UBE2L6: variants seen among roughly 807,000 people sequenced by gnomAD.
The protein encoded by UBE2L6 is ubiquitin/ISG15-conjugating enzyme E2 L6.
UBE2L6 carries 11 observed loss-of-function variants against 13.6 expected under a neutral mutation model. That is an observed-to-expected ratio of 0.81 (90% CI 0.51 to 1.34). The LOEUF (loss-of-function observed/expected upper bound fraction) is 1.34, where lower values mean the gene tolerates loss of function less well. Among genes scored for constraint, UBE2L6 ranks in the 40% most tolerant of loss-of-function variants. UBE2L6 has a pLI of 0.00. For missense variants in UBE2L6, 197 were observed against 199.5 expected (o/e 0.99, Z 0.07); for synonymous variants, 74 against 83.2 (o/e 0.89, Z 0.60).
chr11:57,567,191 C>A, intron 1 of UBE2L6: 1 of 463,142 alleles, frequency 2.2e-6, no homozygotes. Flanking sequence ...AGGACTTCAT[C>A]CTGGTCATCT....
In UBE2L6 at chr11:57,560,217, A is replaced by T. The variant is rs575747383; in HGVS notation, c.123+120T>A. The T allele has an allele frequency of 6.5e-6, 5 of 772,916 alleles. No individual in the cohort carries two copies. The East Asian group carries it at 1.0e-4, about 15-fold the overall frequency. 47.9% of individuals were successfully genotyped at this position (772,916 alleles called of 1,614,324 possible). On this transcript the variant is annotated intron_variant, in intron 2 of 3. Coordinates refer to ENST00000287156, the MANE Select transcript of UBE2L6 (RefSeq NM_004223.5). ...CAGAGAGAAGCCCCCTCCAGCAATG[A>T]TAACCTCCAGTAAAAGGATCTCAAG...
intron 2 of UBE2L6, among the ~76,000 whole-genome samples, chr11:57,556,161 G>C (rs1283818729): frequency 6.6e-6 from 1 of 152,136 alleles, no homozygotes; most frequent in Admixed American, 6.5e-5. Context: ...CCCTGCCTGG[G>C]TGTGATTCAA....
At chr11:57,562,646 T>G (rs1007907568) in intron 1 of UBE2L6, among the ~76,000 whole-genome samples, 2 of 152,236 alleles carry the variant, frequency 1.3e-5, no homozygotes, top group Non-Finnish European at 2.9e-5. Context: ...AGACTCCATT[T>G]GTTTGGGAGA....
At chr11:57,567,284 G>C (rs1945100156) in intron 1 of UBE2L6, 1 of 527,180 alleles carries the variant, frequency 1.9e-6, no homozygotes, top group South Asian at 2.0e-5. Context: ...GATGCACCCA[G>C]TTGTTATCAC....
At chr11:57,565,365 T>TG (rs530166146) in intron 1 of UBE2L6, among the ~76,000 whole-genome samples, 13,877 of 102,500 alleles carry the variant, frequency 0.14, 1,014 homozygotes, top group African/African-American at 0.18. Flanking sequence ...TGTTTTTTTT[T>TG]TTTTTTTTTT....
At chr11:57,558,213 G>T (rs1161278049) in intron 2 of UBE2L6, among the ~76,000 whole-genome samples, 1 of 151,904 alleles carries the variant, frequency 6.6e-6, no homozygotes, top group South Asian at 2.1e-4. Flanking sequence ...TGAGTAGCTG[G>T]GATTATAGGT....
At chr11:57,566,947 G>T (rs201084960) in intron 1 of UBE2L6, 7 of 101,662 alleles carry the variant, frequency 6.9e-5, no homozygotes, top group Non-Finnish European at 7.8e-5. Context: ...ATCTCTGCCC[G>T]CCCCCCCCCC....
chr11:57,553,715 A>T (rs892358449), intron 3 of UBE2L6, among the ~76,000 whole-genome samples: 1 of 152,034 alleles, frequency 6.6e-6, no homozygotes, highest in African/African-American at 2.4e-5. Context: ...AATTCCAGCT[A>T]TTCAAGAAGC....
chr11:57,562,229 A>C (rs1170443366), intron 1 of UBE2L6, among the ~76,000 whole-genome samples: 1 of 151,798 alleles, frequency 6.6e-6, no homozygotes, highest in Admixed American at 6.6e-5. Context: ...AAGGGGAGAG[A>C]CTCCTATATC....
intron 2 of UBE2L6, 139 bp downstream of exon 2, chr11:57,560,198 G>A: frequency 1.4e-6 from 1 of 700,772 alleles, no homozygotes; most frequent in South Asian, 1.6e-5. Context: ...AATTCAGAGA[G>A]AAGCCCCCTC....
chr11:57,565,523 C>A (rs1945083860), intron 1 of UBE2L6, among the ~76,000 whole-genome samples: 1 of 151,796 alleles, frequency 6.6e-6, no homozygotes, highest in African/African-American at 2.4e-5. Context: ...TGCTACCATG[C>A]CCGGCTAATT....
Position 57,551,763 on chromosome 11 carries a change from C to T in UBE2L6, c.*595G>A, listed in dbSNP as rs1410703200. 1 of 152,638 alleles carries T rather than the reference C, an allele frequency of 6.6e-6. No homozygotes were observed. The highest frequency in any genetic ancestry group is 1.5e-5 in the Non-Finnish European group (1 of 68,432). 9.5% of individuals were successfully genotyped at this position (152,638 alleles called of 1,614,324 possible). A position where few individuals can be genotyped will look rare whatever the true frequency, so the allele number is the denominator to read the frequency against. ...TACTTCACAGTCTGAGGCCTGGTCC[C>T]AGGAACTGGCAATCTAACAGGATGG... On this transcript the variant is annotated 3_prime_UTR_variant, in exon 4 of 4. Transcript: ENST00000287156.
chr11:57,554,517 G>A lies in UBE2L6; in HGVS notation c.230C>T (p.Pro77Leu). ...MIKFTTKIYH[P>L]NVDENGQICL... is the part of the protein sequence containing the mutation. ...AATCTGTCCGTTCTCGTCCACGTTG[G>A]GGTGGTAGATCTTGGTTGTGAATTT... The change falls in exon 3 of 4, where the codon CCC becomes CTC. Residue 77 changes from proline (P) to leucine (L), a missense_variant. Physicochemically the swap from Pro to Leu is moderately conservative, Grantham distance 98 (BLOSUM62 -3). Transcript: ENST00000287156. 1.2e-6 allele frequency: 2 copies of A among 1,614,130 alleles called. No individual in the cohort carries two copies. Among genetic ancestry groups the A allele is most frequent in the Non-Finnish European group, 1.7e-6 (2 of 1,180,026 alleles).
Position 57,552,313 on chromosome 11 carries a change from G to A in UBE2L6, c.*45C>T, listed in dbSNP as rs138661800. On this transcript the variant is annotated 3_prime_UTR_variant, in exon 4 of 4. Transcript: ENST00000287156. ...TGGCCTCAGTCCATGAGGTGTGTCCGTCCGCTATGCCGAGGATCCAGTGCA... is the reference window on the plus strand; with the variant it reads ...TGGCCTCAGTCCATGAGGTGTGTCCATCCGCTATGCCGAGGATCCAGTGCA... 136 of 1,608,796 alleles carry A rather than the reference G, an allele frequency of 8.5e-5. No homozygotes were observed. The African/African-American group carries it at 1.1e-3, about 12-fold the overall frequency.
At chr11:57,563,186 C>T (rs765011526) in intron 1 of UBE2L6, among the ~76,000 whole-genome samples, 5 of 151,782 alleles carry the variant, frequency 3.3e-5, no homozygotes, top group Admixed American at 6.6e-5. Context: ...GGAGAAATTC[C>T]GGAGTCGAAA....
intron 1 of UBE2L6, among the ~76,000 whole-genome samples, chr11:57,560,706 C>T (rs1204445092): frequency 1.3e-5 from 2 of 151,674 alleles, no homozygotes; most frequent in Non-Finnish European, 2.9e-5. Flanking sequence ...CTGCAAGCTC[C>T]GCCTCCTGGG....
intron 3 of UBE2L6, 78 bp from the exon 4 acceptor site, chr11:57,552,587 A>G (rs527318543): frequency 5.8e-6 from 9 of 1,542,988 alleles, no homozygotes; most frequent in Non-Finnish European, 6.2e-6. Flanking sequence ...ATGTCCTGAC[A>G]CTCCACACTC....
intron 2 of UBE2L6, among the ~76,000 whole-genome samples, chr11:57,556,505 G>T (rs1161362647): frequency 6.9e-6 from 1 of 145,640 alleles, no homozygotes; most frequent in African/African-American, 2.6e-5. Flanking sequence ...CCGAGAGGCA[G>T]AAGTTGAACC....
At chr11:57,555,906 A>G (rs368050123) in intron 2 of UBE2L6, among the ~76,000 whole-genome samples, 25 of 152,288 alleles carry the variant, frequency 1.6e-4, no homozygotes, top group Middle Eastern at 6.8e-3. Context: ...ACACTGAACT[A>G]TATACTTAAA....
Sources: gnomAD v4.1 joint callset for allele counts (sites outside exome capture counted in the v4.1 genomes callset) on GRCh38, gnomAD v4.1.1 for gene constraint, MANE v1.5 for transcripts, NCBI Gene and HGNC (gene_info 2026-07-23, HGNC 2026-07-21) for gene names.